The following MADD variants were observed in gnomAD, a reference collection of about 807,000 sequenced individuals.
MADD encodes the protein MAP kinase activating death domain, also known as MAP kinase-activating death domain protein.
MADD carries 109 observed loss-of-function variants against 176.7 expected under a neutral mutation model. The observed-to-expected ratio is 0.62, with a 90% CI of 0.53 to 0.72. The LOEUF is 0.72. MADD is among the 30% of genes least tolerant of loss of function. The probability of loss-of-function intolerance (pLI) is 0.00; values close to 1 mark genes in which losing one functional copy is unlikely to be tolerated. For missense variants in MADD, 1,914 were observed against 2,045.5 expected (o/e 0.94, Z 1.24); for synonymous variants, 771 against 771.3 (o/e 1.00, Z 0.01).
chr11:47,324,740 CA>C, intron 30 of MADD, 163 bp downstream of exon 33: 1 of 711,336 alleles, frequency 1.4e-6, no homozygotes, highest in South Asian at 1.5e-5. Flanking sequence ...GGGGAGGGCA[CA>C]GTGACGTTGG....
At chr11:47,283,065 C>T in intron 10 of MADD, 96 bp downstream of exon 10, 1 of 998,148 alleles carries the variant, frequency 1.0e-6, no homozygotes, top group Non-Finnish European at 1.4e-6. Flanking sequence ...ATAGGCTTCC[C>T]ATATCAGTGT....
exon 2 of MADD, chr11:47,273,878 C>T (rs2047273938): frequency 3.1e-6 from 5 of 1,592,920 alleles, no homozygotes; most frequent in Non-Finnish European, 4.3e-6. Context: ...GCTTGGTGCC[C>T]TGATGCTTCT....
intron 30 of MADD, among the ~76,000 whole-genome samples, chr11:47,326,209 A>G (rs1229439130): frequency 6.6e-6 from 1 of 152,238 alleles, no homozygotes; most frequent in Non-Finnish European, 1.5e-5. Flanking sequence ...AACCCCAAGT[A>G]GGTGCTCAGC....
intron 27 of MADD, among the ~76,000 whole-genome samples, 164 bp downstream of exon 30, chr11:47,315,491 T>C (rs2092501625): frequency 6.6e-6 from 1 of 152,236 alleles, no homozygotes; most frequent in Non-Finnish European, 1.5e-5. Context: ...GTGTGTTTTT[T>C]TGAGATAGTG....
At chr11:47,323,292 G>C (rs1336893372) in intron 27 of MADD, among the ~76,000 whole-genome samples, 2 of 151,372 alleles carry the variant, frequency 1.3e-5, no homozygotes, top group Non-Finnish European at 2.9e-5. Context: ...TGTAGTCCCT[G>C]CTACTTTGGG....
At chr11:47,305,625 G>A (rs965370475) in intron 22 of MADD, among the ~76,000 whole-genome samples, 1 of 152,072 alleles carries the variant, frequency 6.6e-6, no homozygotes, top group African/African-American at 2.4e-5. Context: ...CTGTATCCTA[G>A]ACTCTGTGAA....
At chr11:47,326,913 A>T in intron 31 of MADD, 106 bp downstream of exon 35, 1 of 1,534,450 alleles carries the variant, frequency 6.5e-7, no homozygotes, top group Non-Finnish European at 8.8e-7. Flanking sequence ...ACCTCTGTAG[A>T]GAAGTCAGGA....
At position 47,275,093 on chromosome 11, in the gene MADD, G is replaced by A. The variant is rs149316791; in HGVS notation, c.593G>A (p.Arg198His). Residue 198 changes from arginine to histidine, a missense_variant, in exon 3 of 33, where the codon CGC becomes CAC. Physicochemically the swap from Arg to His is conservative, Grantham distance 29. Transcript: ENST00000402192. ...CGAGAGTGTTTGTATACTCTCAAGC[G>A]CCTGGTGGACTGCTGTAGTGAGCGC... 365 of 1,614,210 alleles carry A rather than the reference G, an allele frequency of 2.3e-4. No homozygotes were observed. The highest frequency in any genetic ancestry group is 2.9e-4 in the Non-Finnish European group (344 of 1,180,042).
rs144221931 is a variant in MADD at position 47,284,553 on chromosome 11, C to T, written c.2145C>T (p.His715=). 79 of 1,613,826 alleles carry T rather than the reference C, an allele frequency of 4.9e-5. No homozygotes were observed. The African/African-American group carries it at 7.3e-4, about 15-fold the overall frequency. The change falls in exon 12 of 33, where the codon CAC becomes CAT. Residue 715 remains histidine, a synonymous_variant. Coordinates refer to ENST00000402192, the Ensembl canonical transcript of MADD. ...GCAGCAGCCCCAGCACTGTCATCCA[C>T]GGAGCCAACTCTGTAAGTGAGGAGC...
chr11:47,290,303 G>A lies in MADD; in HGVS notation c.3094+4G>A, dbSNP rs201786624. ...CAGACCCACTACTATAGTAAAGGTAGGGATCGTACTTGCTGGGCACCACGC... is the reference window on the plus strand; with the variant it reads ...CAGACCCACTACTATAGTAAAGGTAAGGATCGTACTTGCTGGGCACCACGC... On this transcript the variant is annotated splice_donor_region_variant and intron_variant, in intron 18 of 32. Coordinates refer to ENST00000402192, the Ensembl canonical transcript of MADD. 249 of 1,613,002 alleles carry A rather than the reference G, an allele frequency of 1.5e-4. No homozygotes were observed. Among genetic ancestry groups the A allele is most frequent in the Non-Finnish European group, 2.0e-4 (240 of 1,179,326 alleles).
intron 25 of MADD, among the ~76,000 whole-genome samples, chr11:47,309,846 T>G (rs1471575247): frequency 1.7e-5 from 1 of 57,176 alleles, no homozygotes; most frequent in Non-Finnish European, 3.2e-5. Context: ...CTCTTTTTTT[T>G]TTTTTTTTTT....
exon 19 of MADD, chr11:47,290,621 C>T (rs200493019): frequency 8.1e-6 from 13 of 1,613,352 alleles, no homozygotes; most frequent in Admixed American, 1.7e-5. Context: ...ACCAGACAAG[C>T]GGAAGAGAAG....
intron 5 of MADD, among the ~76,000 whole-genome samples, chr11:47,277,342 G>C (rs989236802): frequency 1.3e-5 from 2 of 152,174 alleles, no homozygotes; most frequent in Non-Finnish European, 2.9e-5. Flanking sequence ...CCCCAGGCTG[G>C]AGTACAGTGG....
chr11:47,328,902 G>A, intron 32 of MADD, 144 bp from the exon 37 acceptor site: 1 of 951,242 alleles, frequency 1.1e-6, no homozygotes, highest in Middle Eastern at 2.4e-4. Flanking sequence ...CTCTCCCATG[G>A]GGACAGCTTC....
At chr11:47,281,182 C>T (rs11606683) in intron 7 of MADD, among the ~76,000 whole-genome samples, 40,037 of 152,140 alleles carry the variant, frequency 0.26, 6,798 homozygotes, top group Non-Finnish European at 0.39. Context: ...CTTCCTGTGT[C>T]CTTCAGAGCA....
exon 13 of MADD, chr11:47,285,119 T>A (rs1326509441): frequency 1.4e-5 from 23 of 1,613,986 alleles, no homozygotes; most frequent in Non-Finnish European, 1.9e-5. Context: ...CAATATGGCT[T>A]TCCCCCTGAG....
intron 30 of MADD, among the ~76,000 whole-genome samples, chr11:47,326,162 A>G (rs890821168): frequency 2.0e-5 from 3 of 152,198 alleles, no homozygotes; most frequent in Non-Finnish European, 4.4e-5. Flanking sequence ...TTACTGTGTC[A>G]CGTAGTAGGT....
At chr11:47,321,593 CA>C (rs374972887) in intron 27 of MADD, among the ~76,000 whole-genome samples, 36 of 152,102 alleles carry the variant, frequency 2.4e-4, no homozygotes, top group East Asian at 9.6e-4. Context: ...GAAAGAAGCT[CA>C]GGGGGGGCAG....
chr11:47,309,210 CTT>C (rs3217594), intron 23 of MADD, 69 bp from the exon 27 acceptor site: 158,058 of 1,575,190 alleles, frequency 0.1, 8,537 homozygotes, highest in South Asian at 0.11. Flanking sequence ...GGATTTTACT[CTT>C]TATTTTTGTT....
Sources: allele counts gnomAD v4.1 joint callset (sites outside exome capture counted in the v4.1 genomes callset), GRCh38; gene constraint gnomAD v4.1.1; transcripts MANE v1.5; gene names NCBI Gene and HGNC (gene_info 2026-07-23, HGNC 2026-07-21).